Variants in RGSL1 observed in about 807,000 individuals in gnomAD.
RGSL1 encodes regulator of G protein signaling protein-like.
Under a neutral mutation model 124.7 loss-of-function variants are expected in RGSL1, and 97 were observed. The ratio of observed to expected loss-of-function variants is 0.78; its 90% confidence interval spans 0.66 to 0.92. RGSL1 has a LOEUF of 0.92. RGSL1 is among the 40% of genes least tolerant of loss of function. The pLI, the probability that RGSL1 is intolerant of heterozygous loss-of-function variation, is 0.00. For synonymous variants in RGSL1, 424 were observed against 438.1 expected (o/e 0.97, Z 0.40); for missense variants, 1,233 against 1,288.4 (o/e 0.96, Z 0.66).
intron 9 of RGSL1, among the ~76,000 whole-genome samples, chr1:182,507,645 G>A (rs113740949): frequency 4.6e-5 from 7 of 151,760 alleles, no homozygotes; most frequent in African/African-American, 1.7e-4. Context: ...GATTACTTAG[G>A]TTGATCTCAT....
In RGSL1 at chr1:182,493,141, A is replaced by C; in HGVS notation, c.1825+12A>C. The C allele has an allele frequency of 6.6e-7, 1 of 1,508,268 alleles. No homozygotes were observed. The highest frequency in any genetic ancestry group is 9.0e-7 in the Non-Finnish European group (1 of 1,107,872). The allele number at this position is 1,508,268 out of a possible 1,614,324, so 93.4% of individuals were successfully genotyped here. On this transcript the variant is annotated intron_variant, in intron 9 of 21. Transcript: ENST00000294854. ...AGCACCTAAAATAGGCAAGTGTTTA[A>C]AATCAGGGATAGACGAGGCAACTAG...
chr1:182,502,563 T>A (rs266499), intron 9 of RGSL1, among the ~76,000 whole-genome samples: 131,285 of 152,196 alleles, frequency 0.86, 56,943 homozygotes, highest in African/African-American at 0.9. Flanking sequence ...ACAACAGAGT[T>A]AGACCCCATC....
At chr1:182,514,013 C>A (rs915560455) in intron 9 of RGSL1, among the ~76,000 whole-genome samples, 1 of 151,856 alleles carries the variant, frequency 6.6e-6, no homozygotes, top group African/African-American at 2.4e-5. Context: ...CCTGCCTCAG[C>A]CTCCTGAGTA....
chr1:182,499,145 G>A (rs541877904), intron 9 of RGSL1, among the ~76,000 whole-genome samples: 2 of 152,286 alleles, frequency 1.3e-5, no homozygotes, highest in African/African-American at 4.8e-5. Context: ...AAGAATGTAT[G>A]TTCTGTTGTT....
chr1:182,508,290 G>GTTTTTTTTTTTTTT (rs58641894), intron 9 of RGSL1, among the ~76,000 whole-genome samples: 1 of 53,782 alleles, frequency 1.9e-5, no homozygotes, highest in Non-Finnish European at 3.1e-5. Context: ...TGGTGGTGGT[G>GTTTTTTTTTTTTTT]TTTTTTTTTT....
intron 1 of RGSL1, chr1:182,453,571 G>A (rs1365802532): frequency 6.2e-6 from 1 of 161,146 alleles, no homozygotes; most frequent in African/African-American, 2.4e-5. Context: ...AGACGTCTGT[G>A]ATGTCTTTAT....
intron 21 of RGSL1, among the ~76,000 whole-genome samples, chr1:182,559,173 C>T (rs1214940669): frequency 6.6e-6 from 1 of 152,206 alleles, no homozygotes; most frequent in African/African-American, 2.4e-5. Flanking sequence ...TCTTACAACG[C>T]ACTCTCCCAT....
chr1:182,522,075 A>G lies in RGSL1; in HGVS notation c.1897A>G (p.Arg633Gly), dbSNP rs1190781324. ...RSNRKMSLLK[R>G]TLVRKPSMRP... ...AAATAGGAAAATGTCCTTGCTCAAAAGAACTCTTGTAAGGAAGCCATCAAT... is the reference window on the plus strand; with the variant it reads ...AAATAGGAAAATGTCCTTGCTCAAAGGAACTCTTGTAAGGAAGCCATCAAT... Residue 633 changes from arginine to glycine, a missense_variant, in exon 10 of 22, where the codon AGA becomes GGA. Coordinates refer to ENST00000294854, the MANE Select transcript of RGSL1 (RefSeq NM_001137669.2). The G allele has an allele frequency of 1.3e-6, 2 of 1,550,184 alleles. No homozygotes were observed. The highest frequency in any genetic ancestry group is 2.0e-5 in the Admixed American group (1 of 50,720).
At chr1:182,509,689 C>T (rs1395822489) in intron 9 of RGSL1, among the ~76,000 whole-genome samples, 9 of 139,566 alleles carry the variant, frequency 6.4e-5, no homozygotes, top group Admixed American at 2.1e-4. Flanking sequence ...ACCTCCCTCC[C>T]GGACGGCACG....
At chr1:182,484,665 C>A (rs1654963706) in intron 6 of RGSL1, among the ~76,000 whole-genome samples, 1 of 152,168 alleles carries the variant, frequency 6.6e-6, no homozygotes, top group South Asian at 2.1e-4. Flanking sequence ...CAGTTCAGGC[C>A]CCTAGGGGCA....
intron 17 of RGSL1, chr1:182,550,828 C>A: frequency 2.3e-6 from 1 of 439,306 alleles, no homozygotes; most frequent in Non-Finnish European, 4.1e-6. Flanking sequence ...GGATAGTAGG[C>A]CCTTTACAGG....
intron 2 of RGSL1, among the ~76,000 whole-genome samples, chr1:182,454,582 TTGTATG>T (rs150800702): frequency 5.8e-5 from 7 of 119,666 alleles, no homozygotes; most frequent in East Asian, 2.5e-4. Context: ...CTCTCTTGAG[TTGTATG>T]TGTGTGTGTG....
At chr1:182,503,682 G>A (rs1306139253) in intron 9 of RGSL1, among the ~76,000 whole-genome samples, 3 of 152,028 alleles carry the variant, frequency 2.0e-5, no homozygotes, top group African/African-American at 7.2e-5. Context: ...ATAAAGCCTA[G>A]TATTTGATAG....
chr1:182,520,220 G>A (rs1658230739), intron 9 of RGSL1, among the ~76,000 whole-genome samples: 1 of 152,104 alleles, frequency 6.6e-6, no homozygotes, highest in African/African-American at 2.4e-5. Flanking sequence ...TTTACTCAGG[G>A]ATTAAGTTGT....
At position 182,493,058 on chromosome 1, in the gene RGSL1, A is replaced by G. The variant is rs1448717269; in HGVS notation, c.1754A>G (p.Lys585Arg). Residue 585 changes from lysine (K) to arginine (R), a missense_variant, in exon 9 of 22, where the codon AAG becomes AGG. Physicochemically the swap from Lys to Arg is conservative, Grantham distance 26 (BLOSUM62 2). Coordinates refer to ENST00000294854, the MANE Select transcript of RGSL1 (RefSeq NM_001137669.2). The part of the protein sequence containing the change: ...TKMSFEELCY[K>R]NPKMAIQKIS... Reference sequence around the variant, plus strand: ...ATGTCCTTTGAGGAGCTTTGCTACAAGAACCCAAAGATGGCCATACAGAAG... The same window carrying G: ...ATGTCCTTTGAGGAGCTTTGCTACAGGAACCCAAAGATGGCCATACAGAAG... The G allele has an allele frequency of 1.9e-6, 3 of 1,551,784 alleles. No individual in the cohort carries two copies. The highest frequency in any genetic ancestry group is 2.6e-6 in the Non-Finnish European group (3 of 1,146,924).
chr1:182,527,745 A>G lies in RGSL1; in HGVS notation c.2098A>G (p.Thr700Ala), dbSNP rs1191405563. 4 of 1,550,622 alleles carry G rather than the reference A, an allele frequency of 2.6e-6. No individual in the cohort carries two copies. In the East Asian group the frequency reaches 9.8e-5, roughly 38 times the overall value. Reference sequence around the variant, plus strand: ...GTCTCTCATAGAAAATGTAATCAAGACTTTCTTCCAAGGCCAACTCTCTCC... The same window carrying G: ...GTCTCTCATAGAAAATGTAATCAAGGCTTTCTTCCAAGGCCAACTCTCTCC... ...CKSLIENVIKTFFQGQLSPEE... is the reference protein window; with the variant it reads ...CKSLIENVIKAFFQGQLSPEE... Residue 700 changes from threonine to alanine, a missense_variant, in exon 11 of 22, where the codon ACT becomes GCT. Thr to Ala is a moderately conservative substitution (Grantham distance 58). Transcript: ENST00000294854.
intron 17 of RGSL1, 121 bp downstream of exon 17, chr1:182,548,945 A>G: frequency 7.9e-7 from 1 of 1,270,160 alleles, no homozygotes; most frequent in South Asian, 1.5e-5. Flanking sequence ...GGGAACTAAG[A>G]TGGTGTTTTC....
intron 17 of RGSL1, 172 bp downstream of exon 17, chr1:182,548,996 C>A: frequency 1.4e-6 from 1 of 731,256 alleles, no homozygotes; most frequent in Non-Finnish European, 2.1e-6. Context: ...CACAGAACAC[C>A]AAACACTGAA....
At chr1:182,488,793 A>C in intron 7 of RGSL1, 187 bp from the exon 8 acceptor site, 1 of 500,634 alleles carries the variant, frequency 2.0e-6, no homozygotes, top group East Asian at 3.3e-5. Flanking sequence ...TCTTCCTTAT[A>C]GAAAATGAGT....
Sources: gnomAD v4.1 joint callset for allele counts (sites outside exome capture counted in the v4.1 genomes callset) on GRCh38, gnomAD v4.1.1 for gene constraint, MANE v1.5 for transcripts, NCBI Gene and HGNC (gene_info 2026-07-23, HGNC 2026-07-21) for gene names.